Variants in KCNH5 observed in about 807,000 individuals in gnomAD.
KCNH5 encodes the protein potassium voltage-gated channel subfamily H member 5, also known as voltage-gated delayed rectifier potassium channel KCNH5.
Under a neutral mutation model 96.1 loss-of-function variants are expected in KCNH5, and 46 were observed. That is an observed-to-expected ratio of 0.48 (90% CI 0.38 to 0.61). The LOEUF is 0.61. Among genes scored for constraint, KCNH5 ranks in the 20% least tolerant of loss-of-function variants. The probability of loss-of-function intolerance (pLI) is 0.00; values close to 1 mark genes in which losing one functional copy is unlikely to be tolerated. For missense variants in KCNH5, 907 were observed against 1,225.8 expected, an observed-to-expected ratio of 0.74 and a Z score of 3.88; for synonymous variants, 439 against 449.8, an observed-to-expected ratio of 0.98 and a Z score of 0.30.
At chr14:62,990,934 C>A (rs528342329) in intron 4 of KCNH5, among the ~76,000 whole-genome samples, 1 of 152,154 alleles carries the variant, frequency 6.6e-6, no homozygotes, top group South Asian at 2.1e-4. Flanking sequence ...ACCATCAGAT[C>A]TCAGAGAATT....
intron 7 of KCNH5, among the ~76,000 whole-genome samples, chr14:62,930,141 A>T (rs559606020): frequency 1.3e-5 from 2 of 152,058 alleles, no homozygotes; most frequent in Non-Finnish European, 2.9e-5. Flanking sequence ...TCCTTTGGCT[A>T]TATACCAAAT....
intron 7 of KCNH5, among the ~76,000 whole-genome samples, chr14:62,887,512 T>G (rs1032985308): frequency 6.6e-6 from 1 of 152,094 alleles, no homozygotes; most frequent in Non-Finnish European, 1.5e-5. Flanking sequence ...ACAAAAGAAG[T>G]GTCTAAATAG....
At chr14:62,978,792 G>A (rs1403360328) in intron 6 of KCNH5, among the ~76,000 whole-genome samples, 1 of 151,890 alleles carries the variant, frequency 6.6e-6, no homozygotes, top group Non-Finnish European at 1.5e-5. Context: ...ATTTTTAATT[G>A]ACAGAAATAA....
chr14:62,988,453 A>G (rs896929385), intron 4 of KCNH5, among the ~76,000 whole-genome samples: 2 of 152,112 alleles, frequency 1.3e-5, no homozygotes, highest in Non-Finnish European at 2.9e-5. Flanking sequence ...TGCAGGTGAC[A>G]TCATTCTTTA....
intron 10 of KCNH5, among the ~76,000 whole-genome samples, chr14:62,774,166 A>G (rs1428182057): frequency 6.6e-6 from 1 of 152,224 alleles, no homozygotes; most frequent in Non-Finnish European, 1.5e-5. Flanking sequence ...CAAGAGTATG[A>G]CAACACACGA....
intron 1 of KCNH5, among the ~76,000 whole-genome samples, chr14:63,031,846 A>G (rs1259507045): frequency 1.3e-5 from 2 of 152,150 alleles, no homozygotes; most frequent in East Asian, 3.8e-4. Context: ...ATATGTATAT[A>G]AAAACAATGT....
At chr14:62,924,187 G>C (rs150873987) in intron 7 of KCNH5, among the ~76,000 whole-genome samples, 37 of 152,010 alleles carry the variant, frequency 2.4e-4, no homozygotes, top group African/African-American at 8.9e-4. Flanking sequence ...CTAAAAAGAA[G>C]ACATACGAAT....
At chr14:62,952,125 G>A (rs1890019263) in intron 6 of KCNH5, among the ~76,000 whole-genome samples, 1 of 152,240 alleles carries the variant, frequency 6.6e-6, no homozygotes, top group East Asian at 1.9e-4. Context: ...CAAAGGAGTA[G>A]CAGGGTCATC....
intron 1 of KCNH5, among the ~76,000 whole-genome samples, chr14:63,024,993 A>C (rs1203485768): frequency 1.3e-5 from 2 of 152,172 alleles, no homozygotes; most frequent in Non-Finnish European, 2.9e-5. Context: ...TCAATAAAAT[A>C]TTTTCAAACC....
At chr14:62,948,102 T>C (rs909826654) in intron 7 of KCNH5, among the ~76,000 whole-genome samples, 50 of 152,104 alleles carry the variant, frequency 3.3e-4, no homozygotes, top group African/African-American at 1.2e-3. Flanking sequence ...CTTGCGATAG[T>C]TTACTGAGAA....
chr14:62,998,044 G>T (rs1413257040), intron 4 of KCNH5, among the ~76,000 whole-genome samples: 1 of 152,026 alleles, frequency 6.6e-6, no homozygotes, highest in Non-Finnish European at 1.5e-5. Context: ...ATCTGGAAAA[G>T]ACTTGAACTG....
At chr14:62,784,357 C>T (rs988041334) in intron 9 of KCNH5, among the ~76,000 whole-genome samples, 1 of 152,142 alleles carries the variant, frequency 6.6e-6, no homozygotes, top group Non-Finnish European at 1.5e-5. Flanking sequence ...GGTGGAGAGA[C>T]AGCCAAACCA....
At chr14:62,908,782 A>ACTTTT (rs71451284) in intron 7 of KCNH5, among the ~76,000 whole-genome samples, 10 of 23,712 alleles carry the variant, frequency 4.2e-4, no homozygotes, top group African/African-American at 1.6e-3. Flanking sequence ...TTTGCTTTGT[A>ACTTTT]TTTTTTTTTT....
intron 10 of KCNH5, chr14:62,712,818 CT>C: frequency 1.4e-6 from 1 of 714,362 alleles, no homozygotes; most frequent in Non-Finnish European, 2.6e-6. Flanking sequence ...CTAGACTCTC[CT>C]TACTCTCCAA....
chr14:62,748,889 C>A lies in KCNH5; in HGVS notation c.2019+30839G>T, dbSNP rs150003096. Among the ~76,000 whole-genome samples the A allele has an allele frequency of 8.1e-3, 1,226 of 152,190 alleles. 16 individuals carry two copies. The highest frequency in any genetic ancestry group is 0.028 in the African/African-American group (1,149 of 41,542). On this transcript the variant is annotated intron_variant, in intron 10 of 10. Transcript: ENST00000322893. ...AAAAGCAAAGTAAAATAAGTAAAAT[C>A]ATTCCCAAGTAAACTAAACAGAAAG...
At chr14:62,829,742 T>C (rs115004242) in intron 8 of KCNH5, among the ~76,000 whole-genome samples, 2,016 of 152,256 alleles carry the variant, frequency 0.013, 41 homozygotes, top group African/African-American at 0.046. Flanking sequence ...CCTGAAGACA[T>C]TTTCCCCATT....
At position 62,724,959 on chromosome 14, in the gene KCNH5, C is replaced by T. The variant is rs140147778; in HGVS notation, c.2020-16504G>A. On this transcript the variant is annotated intron_variant, in intron 10 of 10. Coordinates refer to ENST00000322893, the MANE Select transcript of KCNH5 (RefSeq NM_139318.5). ...CACAGCAAAGCCGGCAGAGGCCCTA[C>T]GAAGTACACCTTGAGCTGTCATCAT... Among the ~76,000 whole-genome samples the T allele has an allele frequency of 6.2e-4, 95 of 152,308 alleles. 1 individual carries two copies. In the East Asian group the frequency reaches 0.017, roughly 28 times the overall value.
At chr14:62,755,259 C>G (rs2139949244) in intron 10 of KCNH5, among the ~76,000 whole-genome samples, 1 of 151,990 alleles carries the variant, frequency 6.6e-6, no homozygotes, top group Admixed American at 6.6e-5. Context: ...TAAAGTATAA[C>G]CAATACAGCA....
At chr14:62,724,796 G>A (rs1415219423) in intron 10 of KCNH5, among the ~76,000 whole-genome samples, 1 of 152,148 alleles carries the variant, frequency 6.6e-6, no homozygotes, top group Non-Finnish European at 1.5e-5. Flanking sequence ...TTAAGTCAAA[G>A]GACAAGTATT....
Sources: gnomAD v4.1 joint callset for allele counts (sites outside exome capture counted in the v4.1 genomes callset) on GRCh38, gnomAD v4.1.1 for gene constraint, MANE v1.5 for transcripts, NCBI Gene and HGNC (gene_info 2026-07-23, HGNC 2026-07-21) for gene names.